RFX5: variants seen among roughly 807,000 people sequenced by gnomAD.
RFX5 encodes DNA-binding protein RFX5.
In RFX5, 30 loss-of-function variants were observed where a neutral mutation model predicts 41.2. The ratio of observed to expected loss-of-function variants is 0.73; its 90% CI spans 0.54 to 0.99. RFX5 has a LOEUF of 0.99. Ranked by LOEUF, RFX5 falls within the 50% of genes least tolerant of loss-of-function variation. RFX5 has a pLI of 0.00. For synonymous variants in RFX5, 231 were observed against 291.8 expected (o/e 0.79, Z 2.12); for missense variants, 715 against 773.6 (o/e 0.92, Z 0.90).
chr1:151,346,339 A>T lies in RFX5; in HGVS notation c.-13-6T>A. On this transcript the variant is annotated splice_region_variant and splice_polypyrimidine_tract_variant and intron_variant, in intron 2 of 10. Transcript: ENST00000452671. ...CTGCCATCCCGGCATGAGGGCTAGA[A>T]TTGAGAGGGACAGGCATAAAGATGT... 3 of 1,608,720 alleles carry T rather than the reference A, an allele frequency of 1.9e-6. No homozygotes were observed. Among genetic ancestry groups the T allele is most frequent in the Non-Finnish European group, 2.6e-6 (3 of 1,175,408 alleles).
chr1:151,343,951 G>T, intron 8 of RFX5, 69 bp from the exon 9 acceptor site: 1 of 1,538,390 alleles, frequency 6.5e-7, no homozygotes, highest in Non-Finnish European at 8.9e-7. Context: ...TCTTGTCAGA[G>T]ATCAAAGACT....
In RFX5 at chr1:151,342,311, C is replaced by T. The variant is rs752322681; in HGVS notation, c.1726G>A (p.Glu576Lys). ...TCTCCCTTTGCCAAAGGAAAAGCCTCCTTTTGGCTTCTGCTGCCCTTGATG... is the reference window on the plus strand; with the variant it reads ...TCTCCCTTTGCCAAAGGAAAAGCCTTCTTTTGGCTTCTGCTGCCCTTGATG... ...SVIKGSRSQKEAFPLAKGEVD... is the reference protein window; with the variant it reads ...SVIKGSRSQKKAFPLAKGEVD... The change falls in exon 11 of 11, where the codon GAG becomes AAG. Residue 576 changes from glutamate to lysine, a missense_variant. Physicochemically the swap from Glu to Lys is moderately conservative, Grantham distance 56 (BLOSUM62 1). Coordinates refer to ENST00000452671, the MANE Select transcript of RFX5 (RefSeq NM_001025603.2). The T allele has an allele frequency of 6.2e-7, 1 of 1,614,146 alleles. No individual in the cohort carries two copies. The highest frequency in any genetic ancestry group is 1.7e-5 in the Admixed American group (1 of 60,012).
chr1:151,346,314 C>T lies in RFX5; in HGVS notation c.7G>A (p.Glu3Lys), dbSNP rs762343338. 2 of 1,614,088 alleles carry T rather than the reference C, an allele frequency of 1.2e-6. No individual in the cohort carries two copies. The highest frequency in any genetic ancestry group is 1.1e-5 in the South Asian group (1 of 91,080). Residue 3 changes from glutamate to lysine, a missense_variant, in exon 3 of 11, where the codon GAA becomes AAA. By Grantham distance (56) the Glu-to-Lys change is moderately conservative (BLOSUM62 1). Coordinates refer to ENST00000452671, the MANE Select transcript of RFX5 (RefSeq NM_001025603.2). ...GGGCTCTTAGCATCAGGCTCATCTTCTGCCATCCCGGCATGAGGGCTAGAA... is the reference window on the plus strand; with the variant it reads ...GGGCTCTTAGCATCAGGCTCATCTTTTGCCATCCCGGCATGAGGGCTAGAA... MA[E>K]DEPDAKSPKT...
Position 151,342,721 on chromosome 1 carries a change from C to A in RFX5, c.1316G>T (p.Ser439Ile), listed in dbSNP as rs1650574183. 14 of 1,614,250 alleles carry A rather than the reference C, an allele frequency of 8.7e-6. No individual in the cohort carries two copies. The East Asian group carries it at 3.1e-4, about 36-fold the overall frequency. The change falls in exon 11 of 11, where the codon AGT (serine) becomes ATT (isoleucine). Residue 439 changes from serine to isoleucine, a missense_variant. By Grantham distance (142) the Ser-to-Ile change is moderately radical (BLOSUM62 -2). Transcript: ENST00000452671. ...TGGTGGAGCCTGCCCACTGGCCTCA[C>A]TCACAGGTACTTCAGCTGTCCTCTT... The part of the protein sequence containing the change: ...GVKRTAEVPV[S>I]EASGQAPPAK...
At chr1:151,345,994 C>A (rs890024053) in intron 3 of RFX5, 33 bp from the exon 4 acceptor site, 9 of 1,614,044 alleles carry the variant, frequency 5.6e-6, no homozygotes. Flanking sequence ...GGAGGTCACA[C>A]ACAAGATTTT....
chr1:151,345,183 A>G lies in RFX5; in HGVS notation c.156T>C (p.Asp52=), dbSNP rs779910371. 1 of 1,613,588 alleles carries G rather than the reference A, an allele frequency of 6.2e-7. No individual in the cohort carries two copies. The highest frequency in any genetic ancestry group is 1.3e-5 in the African/African-American group (1 of 74,934). Residue 52 remains aspartate (D), a synonymous_variant, in exon 5 of 11, where the codon GAT becomes GAC. Coordinates refer to ENST00000452671, the MANE Select transcript of RFX5 (RefSeq NM_001025603.2). ...VQNKVEGILQ[D]VQKFSDNDKL... is the part of the protein sequence containing the mutation. ...TGTCATTGTCAGAAAATTTCTGTACATCTTGCTGAGGTAGGAGAGAACAGA... is the reference window on the plus strand; with the variant it reads ...TGTCATTGTCAGAAAATTTCTGTACGTCTTGCTGAGGTAGGAGAGAACAGA...
At chr1:151,345,048 A>T (rs756033002) in intron 5 of RFX5, 58 bp downstream of exon 5, 3 of 1,554,352 alleles carry the variant, frequency 1.9e-6, no homozygotes, top group Non-Finnish European at 2.7e-6. Context: ...ACCCCTTCCC[A>T]GTGAACCTTT....
rs530475143 is a variant in RFX5 at position 151,343,587 on chromosome 1, G to A, written c.757+94C>T. 10 of 1,461,432 alleles carry A rather than the reference G, an allele frequency of 6.8e-6. No homozygotes were observed. The East Asian group carries it at 2.4e-4, about 35-fold the overall frequency. The allele number at this position is 1,461,432 out of a possible 1,614,324, so 90.5% of individuals were successfully genotyped here. A position where few individuals can be genotyped will look rare whatever the true frequency, so the allele number is the denominator to read the frequency against. ...TTAGAAGGGTCTCCAGGAAGAGGGGGCAAATCCAAGGTGTCTCTATTCTAG... is the reference window on the plus strand; with the variant it reads ...TTAGAAGGGTCTCCAGGAAGAGGGGACAAATCCAAGGTGTCTCTATTCTAG... On this transcript the variant is annotated intron_variant, in intron 9 of 10. Transcript: ENST00000452671.
chr1:151,344,727 C>T lies in RFX5; in HGVS notation c.353+1G>A. The T allele has an allele frequency of 6.3e-7, 1 of 1,576,022 alleles. No individual in the cohort carries two copies. The highest frequency in any genetic ancestry group is 8.6e-7 in the Non-Finnish European group (1 of 1,160,846). ...ATCCCACCACCCACCCCTCCACCCACCGATAGGCATCATAAACACTTTGCT... is the reference window on the plus strand; with the variant it reads ...ATCCCACCACCCACCCCTCCACCCATCGATAGGCATCATAAACACTTTGCT... On this transcript the variant is annotated splice_donor_variant, in intron 6 of 10. Transcript: ENST00000452671. LOFTEE classifies it high-confidence loss of function.
chr1:151,346,433 G>A, intron 2 of RFX5, 56 bp downstream of exon 2: 1 of 886,930 alleles, frequency 1.1e-6, no homozygotes, highest in African/African-American at 1.7e-5. Flanking sequence ...CAGAAAGGCA[G>A]AGAAACAGAA....
In RFX5 at chr1:151,341,162, C is replaced by G. The variant is rs1438949448; in HGVS notation, c.*1024G>C. On this transcript the variant is annotated 3_prime_UTR_variant, in exon 11 of 11. Coordinates refer to ENST00000452671, the MANE Select transcript of RFX5 (RefSeq NM_001025603.2). ...GAATGAGAAGACAAAAATTAAGAAA[C>G]AGGAAAAGGAAGGAGCTCCATCTCT... The G allele has an allele frequency of 1.3e-5, 2 of 152,072 alleles. No individual in the cohort carries two copies. Among genetic ancestry groups the G allele is most frequent in the Non-Finnish European group, 2.9e-5 (2 of 68,040 alleles). The allele number at this position is 152,072 out of a possible 1,614,324, so 9.4% of individuals were successfully genotyped here. A position where few individuals can be genotyped will look rare whatever the true frequency, so the allele number is the denominator to read the frequency against.
At position 151,343,778 on chromosome 1, in the gene RFX5, G is replaced by C; in HGVS notation, c.660C>G (p.Phe220Leu). The change falls in exon 9 of 11, where the codon TTC becomes TTG. Residue 220 changes from phenylalanine to leucine, a missense_variant. Physicochemically the swap from Phe to Leu is conservative, Grantham distance 22. Coordinates refer to ENST00000452671, the MANE Select transcript of RFX5 (RefSeq NM_001025603.2). ...DWAERILKRS[F>L]SSIVEVARFL... ...AGCGGGCGACCTCAACGATGGAACT[G>C]AAGGACCGTTTCAGGATCCGCTCTG... The C allele has an allele frequency of 6.2e-7, 1 of 1,614,150 alleles. No homozygotes were observed. Among genetic ancestry groups the C allele is most frequent in the Non-Finnish European group, 8.5e-7 (1 of 1,180,044 alleles).
At chr1:151,344,635 A>G (rs1650837702) in intron 6 of RFX5, 93 bp downstream of exon 6, 2 of 1,593,264 alleles carry the variant, frequency 1.3e-6, no homozygotes, top group Non-Finnish European at 1.7e-6. Flanking sequence ...ACCCTTTAAG[A>G]AGGCAGGCTT....
chr1:151,343,548 T>C, intron 9 of RFX5, 106 bp from the exon 10 acceptor site: 2 of 1,398,470 alleles, frequency 1.4e-6, no homozygotes, highest in South Asian at 1.2e-5. Flanking sequence ...GGAAATGGGG[T>C]GCTAAAGCAT....
chr1:151,342,065 G>T lies in RFX5; in HGVS notation c.*121C>A. On this transcript the variant is annotated 3_prime_UTR_variant, in exon 11 of 11. Transcript: ENST00000452671. ...AGTAGACTGGGTGACTCAGCTGTCT[G>T]TACAGAGGAGAATGGACTTCCTTAG... 7.1e-7 allele frequency: 1 copy of T among 1,412,426 alleles called. No individual in the cohort carries two copies. The highest frequency in any genetic ancestry group is 1.0e-6 in the Non-Finnish European group (1 of 1,002,756). The allele number at this position is 1,412,426 out of a possible 1,614,324, so 87.5% of individuals were successfully genotyped here.
chr1:151,346,558 TCTC>T lies in RFX5; in HGVS notation c.-86_-84del. On this transcript the variant is annotated 5_prime_UTR_variant, in exon 2 of 11. Transcript: ENST00000452671. ...TATATGCCCAAAGAGATCTTTGCCA[TCTC>T]CATTCTATCTGCCCCACCTTTCTGA... The T allele has an allele frequency of 2.0e-6, 1 of 510,180 alleles. No homozygotes were observed. The highest frequency in any genetic ancestry group is 3.6e-6 in the Non-Finnish European group (1 of 280,594). The allele number at this position is 510,180 out of a possible 1,614,324, so 31.6% of individuals were successfully genotyped here.
Position 151,342,190 on chromosome 1 carries a change from G to A in RFX5, c.1847C>T (p.Pro616Leu), listed in dbSNP as rs762180594. The A allele has an allele frequency of 3.7e-6, 6 of 1,614,166 alleles. No homozygotes were observed. Among genetic ancestry groups the A allele is most frequent in the Non-Finnish European group, 5.1e-6 (6 of 1,180,024 alleles). Residue 616 changes from proline to leucine, a missense_variant, in exon 11 of 11, where the codon CCA (proline) becomes CTA (leucine). By Grantham distance (98) the Pro-to-Leu change is moderately conservative (BLOSUM62 -3). Coordinates refer to ENST00000452671, the MANE Select transcript of RFX5 (RefSeq NM_001025603.2). ...ACTCTTCCCCACAGACCTGTATCATGGGGGTGTTGCTTTTGGGTCTTTATG... is the reference window on the plus strand; with the variant it reads ...ACTCTTCCCCACAGACCTGTATCATAGGGGTGTTGCTTTTGGGTCTTTATG... ...QEHKDPKATP[P>L]
chr1:151,345,975 G>A lies in RFX5; in HGVS notation c.117-14C>T. The A allele has an allele frequency of 5.0e-6, 8 of 1,614,130 alleles. No individual in the cohort carries two copies. The highest frequency in any genetic ancestry group is 6.8e-6 in the Non-Finnish European group (8 of 1,180,006). ...TGCACGGCCTTGCTGTGGGGAAGAG[G>A]AGAAAGCTGGAGGTCACACACAAGA... is the stretch of plus-strand genomic sequence containing the variant. On this transcript the variant is annotated splice_polypyrimidine_tract_variant and intron_variant, in intron 3 of 10. Transcript: ENST00000452671.
intron 4 of RFX5, among the ~76,000 whole-genome samples, chr1:151,345,605 C>A (rs1650954068): frequency 8.2e-6 from 1 of 121,462 alleles, no homozygotes; most frequent in African/African-American, 3.0e-5. Flanking sequence ...GAGTGAGACT[C>A]CATCTCAAAA....
Sources: gnomAD v4.1 joint callset for allele counts (sites outside exome capture counted in the v4.1 genomes callset) on GRCh38, gnomAD v4.1.1 for gene constraint, MANE v1.5 for transcripts, NCBI Gene and HGNC (gene_info 2026-07-23, HGNC 2026-07-21) for gene names.